FGD2: variants seen among roughly 807,000 people sequenced by gnomAD.
FGD2 encodes FYVE, RhoGEF and PH domain containing 2.
Under a neutral mutation model 75.9 loss-of-function variants are expected in FGD2, and 52 were observed. That is an observed-to-expected ratio of 0.69 (90% CI 0.55 to 0.86). FGD2 has a LOEUF of 0.86. Ranked by LOEUF, FGD2 falls within the 40% of genes least tolerant of loss-of-function variation. The pLI is 0.00. For missense variants in FGD2, 790 were observed against 872.0 expected, an observed-to-expected ratio of 0.91 and a Z score of 1.18; for synonymous variants, 347 against 348.6, an observed-to-expected ratio of 1.00 and a Z score of 0.05.
At position 37,014,872 on chromosome 6, in the gene FGD2, G is replaced by A. The variant is rs745890740; in HGVS notation, c.883-20G>A. ...TGAGCCCTGCCCAGACTTGGCTGAG[G>A]ATGCACCCCAACCCCCTAGGAGCGG... On this transcript the variant is annotated intron_variant, in intron 7 of 15. Coordinates refer to ENST00000274963, the MANE Select transcript of FGD2 (RefSeq NM_173558.4). 3 of 1,612,390 alleles carry A rather than the reference G, an allele frequency of 1.9e-6. No homozygotes were observed. In the Admixed American group the frequency reaches 5.0e-5, roughly 27 times the overall value.
intron 1 of FGD2, among the ~76,000 whole-genome samples, chr6:37,007,735 C>A (rs1424014547): frequency 6.6e-6 from 1 of 152,230 alleles, no homozygotes; most frequent in Non-Finnish European, 1.5e-5. Flanking sequence ...AAATGCAGAA[C>A]CTGAAACCAA....
chr6:37,021,263 C>T (rs1309513424), intron 11 of FGD2, among the ~76,000 whole-genome samples: 1 of 152,128 alleles, frequency 6.6e-6, no homozygotes, highest in Non-Finnish European at 1.5e-5. Context: ...TCCTATCTTG[C>T]TGCTTCTCAT....
rs756669879 is a variant in FGD2, at chr6:37,014,631, C to T, written c.824-15C>T. 1.9e-6 allele frequency: 3 copies of T among 1,613,340 alleles called. No homozygotes were observed. The highest frequency in any genetic ancestry group is 1.7e-5 in the Admixed American group (1 of 59,994). The stretch of plus-strand genomic sequence containing the variant: ...TAGATTCTCAGGGAATAAACTCCGG[C>T]CCTGCCCCTTTCAGAAGCCCTGGAC... On this transcript the variant is annotated splice_polypyrimidine_tract_variant and intron_variant, in intron 6 of 15. Coordinates refer to ENST00000274963, the MANE Select transcript of FGD2 (RefSeq NM_173558.4).
At chr6:37,022,420 C>A in intron 13 of FGD2, 50 bp downstream of exon 13, 1 of 1,520,640 alleles carries the variant, frequency 6.6e-7, no homozygotes, top group Non-Finnish European at 8.8e-7. Context: ...ACCCAGGCCT[C>A]CACCTGCATC....
At chr6:37,011,909 G>A (rs1400909883) in intron 4 of FGD2, 55 bp downstream of exon 4, 9 of 1,585,058 alleles carry the variant, frequency 5.7e-6, no homozygotes, top group African/African-American at 1.4e-5. Context: ...GCCAGGTGGA[G>A]GTGGGGAGAC....
At position 37,013,509 on chromosome 6, in the gene FGD2, G is replaced by C. The variant is rs1583299954; in HGVS notation, c.528-100G>C. On this transcript the variant is annotated intron_variant, in intron 4 of 15. Transcript: ENST00000274963. ...CCCACACCCAGAATTGCCGTGGAAAGTTTGCTTTGGGGGATTCAGGGAGCC... is the reference window on the plus strand; with the variant it reads ...CCCACACCCAGAATTGCCGTGGAAACTTTGCTTTGGGGGATTCAGGGAGCC... The C allele has an allele frequency of 4.6e-6, 7 of 1,516,210 alleles. No homozygotes were observed. The East Asian group carries it at 1.6e-4, about 35-fold the overall frequency. 93.9% of individuals were successfully genotyped at this position (1,516,210 alleles called of 1,614,324 possible).
chr6:37,025,911 G>A lies in FGD2; in HGVS notation c.1578G>A (p.Lys526=). Reference sequence around the variant, plus strand: ...CTGGAAATGTGCTGCCTGAGGCCAAGGAGGACAAGAGGCGGGGCATCCTGG... The same window carrying A: ...CTGGAAATGTGCTGCCTGAGGCCAAAGAGGACAAGAGGCGGGGCATCCTGG... ...FLTGNVLPEA[K]EDKRRGILEK... The change falls in exon 14 of 16, where the codon AAG becomes AAA. Residue 526 remains lysine (K), a synonymous_variant. Coordinates refer to ENST00000274963, the MANE Select transcript of FGD2 (RefSeq NM_173558.4). The A allele has an allele frequency of 1.2e-6, 2 of 1,614,214 alleles. No individual in the cohort carries two copies. Among genetic ancestry groups the A allele is most frequent in the African/African-American group, 2.7e-5 (2 of 75,060 alleles).
At chr6:37,008,783 T>A (rs1561924957) in intron 1 of FGD2, 51 bp from the exon 2 acceptor site, 5 of 1,491,518 alleles carry the variant, frequency 3.4e-6, no homozygotes, top group Non-Finnish European at 4.5e-6. Context: ...CTTGCTGCTG[T>A]TTTCCCTGTT....
Position 37,013,713 on chromosome 6 carries a change from C to G in FGD2, c.632C>G (p.Ala211Gly). 6.2e-7 allele frequency: 1 copy of G among 1,614,076 alleles called. No individual in the cohort carries two copies. Among genetic ancestry groups the G allele is most frequent in the South Asian group, 1.1e-5 (1 of 91,086 alleles). Residue 211 changes from alanine to glycine, a missense_variant, in exon 5 of 16, where the codon GCC becomes GGC. Coordinates refer to ENST00000274963, the MANE Select transcript of FGD2 (RefSeq NM_173558.4). ...KNFERAAELL[A>G]TWTDKSPLFQ... ...TTTGAGCGAGCGGCTGAGCTGCTGGCCACCTGGACCGACAAGTCTCCACTC... is the reference window on the plus strand; with the variant it reads ...TTTGAGCGAGCGGCTGAGCTGCTGGGCACCTGGACCGACAAGTCTCCACTC...
At chr6:37,006,355 G>T (rs757451564) in intron 1 of FGD2, among the ~76,000 whole-genome samples, 3 of 152,216 alleles carry the variant, frequency 2.0e-5, no homozygotes, top group Non-Finnish European at 2.9e-5. Context: ...AAACCAGGAT[G>T]TACGGGCAGC....
At chr6:37,019,640 T>C (rs2150779086) in intron 9 of FGD2, among the ~76,000 whole-genome samples, 1 of 152,278 alleles carries the variant, frequency 6.6e-6, no homozygotes, top group South Asian at 2.1e-4. Flanking sequence ...TACAGGACTC[T>C]GGGGGTAGGA....
At chr6:37,021,796 C>T in intron 12 of FGD2, 192 bp downstream of exon 12, 2 of 577,210 alleles carry the variant, frequency 3.5e-6, no homozygotes, top group South Asian at 2.2e-5. Flanking sequence ...GCAAAACTTC[C>T]TTTGAGAGCC....
At position 37,028,117 on chromosome 6, in the gene FGD2, G is replaced by A; in HGVS notation, c.1922G>A (p.Ser641Asn). The A allele has an allele frequency of 3.1e-6, 5 of 1,609,558 alleles. No homozygotes were observed. The highest frequency in any genetic ancestry group is 4.2e-6 in the Non-Finnish European group (5 of 1,178,180). ...GTGAAGGCCATGGAGCGGGCGGCCA[G>A]TGGCTGGAGCCCCAGCTGGCCCAAC... is the stretch of plus-strand genomic sequence containing the variant. Reference protein sequence around the residue: ...RWVKAMERAASGWSPSWPNDG... With the variant: ...RWVKAMERAANGWSPSWPNDG... The change falls in exon 16 of 16, where the codon AGT becomes AAT. Residue 641 changes from serine (S) to asparagine (N), a missense_variant. Physicochemically the swap from Ser to Asn is conservative, Grantham distance 46 (BLOSUM62 1). Coordinates refer to ENST00000274963, the MANE Select transcript of FGD2 (RefSeq NM_173558.4).
At chr6:37,019,257 G>A (rs903712341) in intron 9 of FGD2, among the ~76,000 whole-genome samples, 4 of 152,176 alleles carry the variant, frequency 2.6e-5, no homozygotes, top group Admixed American at 2.6e-4. Context: ...CATCCAGCCT[G>A]TCATCCCTTG....
At position 37,009,012 on chromosome 6, in the gene FGD2, G is replaced by T. The variant is rs750902984; in HGVS notation, c.247G>T (p.Glu83Ter). Residue 83 changes from glutamate (E) to a stop codon, truncating the protein, a stop_gained, in exon 2 of 16, where the codon GAA becomes TAA. Transcript: ENST00000274963. LOFTEE classifies it high-confidence loss of function. ...CTCCCTGAAGAACAAGCTGTCCAGC[G>T]AAGCCTGGAGGAAATCTTGCCAGCC... ...LNSLKNKLSS[E>*]AWRKSCQPVT... 1 of 1,614,242 alleles carries T rather than the reference G, an allele frequency of 6.2e-7. No homozygotes were observed. Among genetic ancestry groups the T allele is most frequent in the Non-Finnish European group, 8.5e-7 (1 of 1,180,040 alleles).
chr6:37,028,223 G>GGGTC lies in FGD2; in HGVS notation c.*60_*61insGGTC. On this transcript the variant is annotated 3_prime_UTR_variant, in exon 16 of 16. Coordinates refer to ENST00000274963, the MANE Select transcript of FGD2 (RefSeq NM_173558.4). ...CACCCTGAACCCAGCTCCTGCCACA[G>GGGTC]ACTGACCCTGTGGCCTCAGTGACCC... The GGGTC allele has an allele frequency of 2.8e-6, 4 of 1,437,792 alleles. No individual in the cohort carries two copies. The highest frequency in any genetic ancestry group is 3.7e-6 in the Non-Finnish European group (4 of 1,086,762). The allele number at this position is 1,437,792 out of a possible 1,614,324, so 89.1% of individuals were successfully genotyped here. A position where few individuals can be genotyped will look rare whatever the true frequency, so the allele number is the denominator to read the frequency against.
At chr6:37,020,142 G>GGTTATGTAAAT (rs1330350836) in intron 9 of FGD2, among the ~76,000 whole-genome samples, 10 of 152,208 alleles carry the variant, frequency 6.6e-5, no homozygotes, top group Non-Finnish European at 1.5e-4. Context: ...GTGAGCCACT[G>GGTTATGTAAAT]CACCCAGCCA....
chr6:37,010,803 A>G (rs1483910906), intron 2 of FGD2, among the ~76,000 whole-genome samples, 170 bp from the exon 3 acceptor site: 1 of 152,192 alleles, frequency 6.6e-6, no homozygotes, highest in Admixed American at 6.5e-5. Context: ...ACTCAGCTGC[A>G]TTCTGTGAAA....
chr6:37,021,468 C>A, intron 11 of FGD2, 44 bp from the exon 12 acceptor site: 2 of 1,549,120 alleles, frequency 1.3e-6, no homozygotes, highest in African/African-American at 1.4e-5. Flanking sequence ...CAATCCCTCC[C>A]TTCCACACCT....
Sources: gnomAD v4.1 joint callset for allele counts (sites outside exome capture counted in the v4.1 genomes callset) on GRCh38, gnomAD v4.1.1 for gene constraint, MANE v1.5 for transcripts, NCBI Gene and HGNC (gene_info 2026-07-23, HGNC 2026-07-21) for gene names.